Variants in IRAK3 observed in about 807,000 individuals in gnomAD.
IRAK3 encodes the protein interleukin-1 receptor-associated kinase 3.
IRAK3 carries 57 observed loss-of-function variants against 56.6 expected under a neutral mutation model. The ratio of observed to expected loss-of-function variants is 1.01; its 90% CI spans 0.81 to 1.26. The LOEUF (loss-of-function observed/expected upper bound fraction) is 1.26. IRAK3 is among the 50% of genes most tolerant of loss of function. IRAK3 has a pLI of 0.00. For missense variants in IRAK3, 703 were observed against 719.0 expected, an observed-to-expected ratio of 0.98 and a Z score of 0.25; for synonymous variants, 258 against 255.7, an observed-to-expected ratio of 1.01 and a Z score of -0.09.
At chr12:66,238,737 A>AT (rs1355411071) in intron 8 of IRAK3, among the ~76,000 whole-genome samples, 1 of 152,218 alleles carries the variant, frequency 6.6e-6, no homozygotes, top group African/African-American at 2.4e-5. Context: ...CACCCACAGG[A>AT]GAAGCAGTGC....
intron 6 of IRAK3, among the ~76,000 whole-genome samples, chr12:66,218,598 A>G (rs2052700657): frequency 6.6e-6 from 1 of 152,210 alleles, no homozygotes; most frequent in Admixed American, 6.5e-5. Context: ...CCAATCTGAT[A>G]GGTGAAAATA....
At position 66,253,001 on chromosome 12, in the gene IRAK3, C is replaced by T. The variant is rs1210715689; in HGVS notation, c.*4830C>T. On this transcript the variant is annotated 3_prime_UTR_variant, in exon 12 of 12. Transcript: ENST00000261233. ...AGTTGCCTGTTAAATTATATTTCTT[C>T]TTCCACAAAACTGCAGGTTCCCTGA... The T allele has an allele frequency of 6.6e-6, 1 of 152,192 alleles. No individual in the cohort carries two copies. Among genetic ancestry groups the T allele is most frequent in the Non-Finnish European group, 1.5e-5 (1 of 68,050 alleles). 9.4% of individuals were successfully genotyped at this position (152,192 alleles called of 1,614,324 possible).
rs547770252 is a variant in IRAK3, at chr12:66,197,630, G to T, written c.134-6081G>T. On this transcript the variant is annotated intron_variant, in intron 1 of 11. Transcript: ENST00000261233. ...CATGCAGGCAGTATTCATTTTAACAGTCTGGATCAGTTTTTTACCATGAAC... is the reference window on the plus strand; with the variant it reads ...CATGCAGGCAGTATTCATTTTAACATTCTGGATCAGTTTTTTACCATGAAC... 3.9e-5 allele frequency: 38 copies of T among 985,414 alleles called. No homozygotes were observed. The African/African-American group carries it at 6.6e-4, about 17-fold the overall frequency. 61.0% of individuals were successfully genotyped at this position (985,414 alleles called of 1,614,324 possible).
rs1331520472 is a variant in IRAK3 at position 66,211,547 on chromosome 12, T to C, written c.538T>C (p.Tyr180His). The C allele has an allele frequency of 2.5e-6, 4 of 1,612,006 alleles. No individual in the cohort carries two copies. Among genetic ancestry groups the C allele is most frequent in the Non-Finnish European group, 3.4e-6 (4 of 1,178,108 alleles). ...TGGAGAAGGAGAGATTTTTGAGGTA[T>C]ACAGAGTGGAGATTCAAAACCTAAC... The part of the protein sequence containing the change: ...LIGEGEIFEV[Y>H]RVEIQNLTYA... Residue 180 changes from tyrosine (Y) to histidine (H), a missense_variant, in exon 5 of 12, where the codon TAC becomes CAC. Transcript: ENST00000261233.
chr12:66,199,666 T>C (rs537071646), intron 1 of IRAK3, among the ~76,000 whole-genome samples: 10 of 152,206 alleles, frequency 6.6e-5, no homozygotes, highest in Non-Finnish European at 1.2e-4. Flanking sequence ...ACTTAGTGCA[T>C]ACAATTACTG....
At chr12:66,211,405 C>T in intron 4 of IRAK3, 41 bp from the exon 5 acceptor site, 1 of 1,471,000 alleles carries the variant, frequency 6.8e-7, no homozygotes, top group Non-Finnish European at 9.5e-7. Context: ...GGTGATGTTC[C>T]TTCTTAGCTA....
At chr12:66,213,178 G>GT (rs2052630257) in intron 5 of IRAK3, among the ~76,000 whole-genome samples, 2 of 152,156 alleles carry the variant, frequency 1.3e-5, no homozygotes, top group Non-Finnish European at 2.9e-5. Context: ...GAGAGAAGTT[G>GT]TGCAGGGAAA....
chr12:66,226,922 G>A (rs2052793030), intron 7 of IRAK3, 85 bp downstream of exon 7: 7 of 831,530 alleles, frequency 8.4e-6, no homozygotes, highest in Non-Finnish European at 1.5e-5. Context: ...AGAGTTGGGA[G>A]GCAAGATGTG....
intron 8 of IRAK3, among the ~76,000 whole-genome samples, chr12:66,233,071 G>A (rs1439830480): frequency 6.6e-6 from 1 of 151,880 alleles, no homozygotes; most frequent in Non-Finnish European, 1.5e-5. Flanking sequence ...AAAGCCCTAT[G>A]CTGCTGTTTT....
chr12:66,245,420 A>G (rs2053019880), intron 11 of IRAK3, among the ~76,000 whole-genome samples, 158 bp downstream of exon 11: 1 of 151,988 alleles, frequency 6.6e-6, no homozygotes. Context: ...TCAAAAAGCC[A>G]CATCATTTGG....
chr12:66,192,483 A>G (rs921677790), intron 1 of IRAK3, among the ~76,000 whole-genome samples: 6 of 152,200 alleles, frequency 3.9e-5, no homozygotes, highest in Non-Finnish European at 8.8e-5. Flanking sequence ...ATAGATTGGT[A>G]TTTAAATTAA....
intron 2 of IRAK3, among the ~76,000 whole-genome samples, 192 bp from the exon 3 acceptor site, chr12:66,209,264 A>G (rs939761994): frequency 9.9e-5 from 15 of 152,198 alleles, no homozygotes; most frequent in African/African-American, 3.6e-4. Context: ...AACATTTGTT[A>G]ATTAGAAAGC....
At position 66,226,599 on chromosome 12, in the gene IRAK3, G is replaced by A. The variant is rs908706252; in HGVS notation, c.654-124G>A. On this transcript the variant is annotated intron_variant, in intron 6 of 11. Coordinates refer to ENST00000261233, the MANE Select transcript of IRAK3 (RefSeq NM_007199.3). ...ATCTGTGTCTGTACCCAATGTGTCC[G>A]GCTGAATTTATATTCCGCTTTAGGC... The A allele has an allele frequency of 6.8e-5, 48 of 701,624 alleles. No homozygotes were observed. The Middle Eastern group carries it at 1.1e-3, about 16-fold the overall frequency. 43.5% of individuals were successfully genotyped at this position (701,624 alleles called of 1,614,324 possible).
intron 8 of IRAK3, among the ~76,000 whole-genome samples, chr12:66,236,395 C>CA (rs56074285): frequency 0.013 from 1,386 of 110,280 alleles, 16 homozygotes; most frequent in African/African-American, 0.028. Flanking sequence ...CTAAAAATAC[C>CA]AAAAAAAAAA....
intron 7 of IRAK3, among the ~76,000 whole-genome samples, chr12:66,227,504 T>C (rs945393327): frequency 2.0e-4 from 30 of 151,930 alleles, no homozygotes; most frequent in Non-Finnish European, 4.1e-4. Context: ...ACTTGAACCT[T>C]GGAGACGGAG....
At chr12:66,225,922 C>G (rs574822673) in intron 6 of IRAK3, among the ~76,000 whole-genome samples, 1 of 152,280 alleles carries the variant, frequency 6.6e-6, no homozygotes, top group East Asian at 1.9e-4. Flanking sequence ...AGCACAGTAC[C>G]TGACATAGTA....
chr12:66,208,944 G>C (rs558845896), intron 2 of IRAK3, among the ~76,000 whole-genome samples: 1 of 151,860 alleles, frequency 6.6e-6, no homozygotes, highest in South Asian at 2.1e-4. Flanking sequence ...ATAGGTGCCT[G>C]TAATCCTGGC....
At chr12:66,225,355 C>T (rs990076874) in intron 6 of IRAK3, among the ~76,000 whole-genome samples, 1 of 151,600 alleles carries the variant, frequency 6.6e-6, no homozygotes, top group Non-Finnish European at 1.5e-5. Flanking sequence ...AAAATAAAAA[C>T]TTCTCTATGT....
chr12:66,197,227 G>T, intron 1 of IRAK3: 1 of 1,236,172 alleles, frequency 8.1e-7, no homozygotes, highest in Non-Finnish European at 1.0e-6. Flanking sequence ...TGTATTTTCA[G>T]TTTAGAATGC....
Sources: allele counts gnomAD v4.1 joint callset (sites outside exome capture counted in the v4.1 genomes callset), GRCh38; gene constraint gnomAD v4.1.1; transcripts MANE v1.5; gene names NCBI Gene and HGNC (gene_info 2026-07-23, HGNC 2026-07-21).